The following ANKFN1 variants were observed in gnomAD, a reference collection of about 807,000 sequenced individuals.
ANKFN1 encodes ankyrin repeat and fibronectin type-III domain-containing protein 1.
Under a neutral mutation model 108.7 loss-of-function variants are expected in ANKFN1, and 74 were observed. The observed-to-expected ratio is 0.68, with a 90% CI of 0.56 to 0.83. ANKFN1 has a LOEUF of 0.83. Ranked by LOEUF, ANKFN1 falls within the 40% of genes least tolerant of loss-of-function variation. ANKFN1 has a pLI of 0.00. For synonymous variants in ANKFN1, 547 were observed against 516.2 expected (o/e 1.06, Z -0.81); for missense variants, 1,505 against 1,382.3 (o/e 1.09, Z -1.41).
intron 1 of ANKFN1, among the ~76,000 whole-genome samples, chr17:56,176,947 T>C (rs1402353002): frequency 2.0e-5 from 3 of 152,174 alleles, no homozygotes; most frequent in African/African-American, 7.2e-5. Context: ...GCTATTCCCC[T>C]AAAGAATGTT....
intron 3 of ANKFN1, among the ~76,000 whole-genome samples, chr17:56,284,778 C>T (rs532825166): frequency 3.4e-4 from 52 of 152,218 alleles, no homozygotes; most frequent in Non-Finnish European, 6.3e-4. Flanking sequence ...TTAGGAGTGT[C>T]GACGTGTAGA....
At chr17:56,227,071 A>G (rs935572402) in intron 2 of ANKFN1, among the ~76,000 whole-genome samples, 1 of 152,162 alleles carries the variant, frequency 6.6e-6, no homozygotes, top group Admixed American at 6.6e-5. Context: ...TGAGGACACC[A>G]TGATTTGAGT....
At chr17:56,101,530 A>G (rs892558206) in intron 4 of ANKFN1, among the ~76,000 whole-genome samples, 4 of 152,260 alleles carry the variant, frequency 2.6e-5, no homozygotes, top group African/African-American at 9.6e-5. Flanking sequence ...GTTATATGAT[A>G]GTACTACTCA....
At chr17:56,264,160 G>A (rs2043591135) in intron 3 of ANKFN1, among the ~76,000 whole-genome samples, 4 of 152,210 alleles carry the variant, frequency 2.6e-5, no homozygotes, top group Admixed American at 6.5e-5. Flanking sequence ...ATTGCTAAAT[G>A]TTGGTCAAAT....
intron 15 of ANKFN1, among the ~76,000 whole-genome samples, chr17:56,468,671 G>A (rs1339772737): frequency 1.3e-5 from 2 of 152,164 alleles, no homozygotes; most frequent in Non-Finnish European, 2.9e-5. Flanking sequence ...CCGCCAAGGG[G>A]TGGCAAGTAC....
At chr17:56,168,343 C>T (rs1475789099) in intron 1 of ANKFN1, among the ~76,000 whole-genome samples, 1 of 151,672 alleles carries the variant, frequency 6.6e-6, no homozygotes, top group East Asian at 1.9e-4. Context: ...ATGTAATAAC[C>T]TCATCAGGCA....
chr17:56,148,421 A>G (rs1158807466), intron 4 of ANKFN1, among the ~76,000 whole-genome samples: 1 of 152,242 alleles, frequency 6.6e-6, no homozygotes, highest in Admixed American at 6.5e-5. Context: ...ACATAGAGAC[A>G]GGATTCACAT....
At chr17:56,154,573 A>C (rs554402964) in intron 1 of ANKFN1, among the ~76,000 whole-genome samples, 1 of 151,690 alleles carries the variant, frequency 6.6e-6, no homozygotes, top group African/African-American at 2.4e-5. Flanking sequence ...ACCTCTGAGA[A>C]GGTATCTTGA....
At chr17:56,220,844 GAGGGAGGAAGGAAGGAAGGAAGGA>G (rs1915821138) in intron 2 of ANKFN1, among the ~76,000 whole-genome samples, 11 of 89,182 alleles carry the variant, frequency 1.2e-4, no homozygotes, top group African/African-American at 1.3e-4. Flanking sequence ...GGAAGGGAGG[GAGGGAGGAAGGAAGGAAGGAAGGA>G]AGGGAGGGAG....
At chr17:56,134,241 A>G (rs1199146095) in intron 4 of ANKFN1, among the ~76,000 whole-genome samples, 2 of 152,176 alleles carry the variant, frequency 1.3e-5, no homozygotes, top group Admixed American at 6.5e-5. Flanking sequence ...TTCTGACCCT[A>G]TGGAATTGGG....
chr17:56,073,639 A>C (rs1387265236), intron 4 of ANKFN1, among the ~76,000 whole-genome samples: 2 of 152,268 alleles, frequency 1.3e-5, no homozygotes, highest in Non-Finnish European at 2.9e-5. Context: ...TCCAAAATAA[A>C]GCTTCTTACC....
intron 1 of ANKFN1, among the ~76,000 whole-genome samples, chr17:56,154,655 A>AC (rs1908923824): frequency 6.6e-6 from 1 of 152,082 alleles, no homozygotes; most frequent in Non-Finnish European, 1.5e-5. Context: ...AAAAAAAAAA[A>AC]AAAACTTATT....
At chr17:56,096,808 C>A (rs1905543502) in intron 4 of ANKFN1, among the ~76,000 whole-genome samples, 1 of 152,158 alleles carries the variant, frequency 6.6e-6, no homozygotes, top group Non-Finnish European at 1.5e-5. Context: ...AAGACACATG[C>A]ATATGTGTGT....
At chr17:56,470,941 G>A (rs552684028) in intron 15 of ANKFN1, among the ~76,000 whole-genome samples, 58 of 152,230 alleles carry the variant, frequency 3.8e-4, no homozygotes, top group African/African-American at 1.2e-3. Flanking sequence ...AAGTTGCTCC[G>A]ACCATTCTCT....
intron 8 of ANKFN1, among the ~76,000 whole-genome samples, chr17:56,385,384 C>T (rs1332775097): frequency 6.6e-6 from 1 of 152,214 alleles, no homozygotes; most frequent in African/African-American, 2.4e-5. Context: ...AAAGCCTAGG[C>T]ATTACCATTC....
At chr17:56,461,697 C>A (rs141927243) in intron 14 of ANKFN1, among the ~76,000 whole-genome samples, 4 of 152,260 alleles carry the variant, frequency 2.6e-5, no homozygotes, top group Non-Finnish European at 5.9e-5. Flanking sequence ...CTGTTTAGTG[C>A]CCCACTTGGA....
intron 8 of ANKFN1, among the ~76,000 whole-genome samples, chr17:56,414,975 G>C (rs539341092): frequency 1.3e-5 from 2 of 151,836 alleles, no homozygotes; most frequent in Non-Finnish European, 2.9e-5. Context: ...AGCCAAGATC[G>C]CACCACTGCA....
chr17:56,309,772 ATAAC>A (rs1301713561), intron 3 of ANKFN1, among the ~76,000 whole-genome samples: 2 of 152,374 alleles, frequency 1.3e-5, no homozygotes, highest in South Asian at 4.1e-4. Context: ...ATTAACAACA[ATAAC>A]TAATAATAAA....
chr17:56,146,370 C>T (rs1186085631), intron 4 of ANKFN1, among the ~76,000 whole-genome samples: 1 of 152,178 alleles, frequency 6.6e-6, no homozygotes, highest in African/African-American at 2.4e-5. Context: ...TAGGTCATGC[C>T]CCAGTGGGGA....
Sources: allele counts gnomAD v4.1 joint callset (sites outside exome capture counted in the v4.1 genomes callset), GRCh38; gene constraint gnomAD v4.1.1; transcripts MANE v1.5; gene names NCBI Gene and HGNC (gene_info 2026-07-23, HGNC 2026-07-21).